The following CYFIP1 variants were observed in gnomAD, a reference collection of about 807,000 sequenced individuals.
The protein encoded by CYFIP1 is cytoplasmic FMR1 interacting protein 1.
A neutral mutation model predicts 163.5 loss-of-function variants in CYFIP1; 58 were observed. The observed-to-expected ratio is 0.35, with a 90% CI of 0.29 to 0.44. The LOEUF (loss-of-function observed/expected upper bound fraction) is 0.44. Ranked by LOEUF, CYFIP1 falls within the 20% of genes least tolerant of loss-of-function variation. The pLI is 1.00. For synonymous variants in CYFIP1, 663 were observed against 660.7 expected (o/e 1.00, Z -0.05); for missense variants, 1,338 against 1,653.8 (o/e 0.81, Z 3.31).
chr15:22,944,946 T>C lies in CYFIP1; in HGVS notation c.208-7A>G. 1 of 1,613,518 alleles carries C rather than the reference T, an allele frequency of 6.2e-7. No homozygotes were observed. The highest frequency in any genetic ancestry group is 8.5e-7 in the Non-Finnish European group (1 of 1,179,442). The stretch of plus-strand genomic sequence containing the variant: ...CCTCCTCCAGCATCTCGTTCTGCAA[T>C]GGAACACAGGGCAAATCAAAGGCAG... On this transcript the variant is annotated splice_polypyrimidine_tract_variant and splice_region_variant and intron_variant, in intron 3 of 30. Coordinates refer to ENST00000617928, the MANE Select transcript of CYFIP1 (RefSeq NM_014608.6).
chr15:22,976,577 G>GATATCACATACACAAAGATATTTTGTAT (rs749783957), intron 1 of CYFIP1, among the ~76,000 whole-genome samples: 1 of 152,026 alleles, frequency 6.6e-6, no homozygotes, highest in Admixed American at 6.6e-5. Flanking sequence ...TCCAAAAATA[G>GATATCACATACACAAAGATATTTTGTAT]GTGAGTGCAT....
At chr15:22,949,004 T>TG (rs2140126998) in intron 1 of CYFIP1, among the ~76,000 whole-genome samples, 1 of 142,178 alleles carries the variant, frequency 7.0e-6, no homozygotes, top group South Asian at 2.1e-4. Context: ...GAAAAACAGC[T>TG]GAAAAAAATG....
chr15:22,976,139 G>A lies in CYFIP1; in HGVS notation c.-7+4148C>T, dbSNP rs564911185. On this transcript the variant is annotated intron_variant, in intron 1 of 30. Coordinates refer to ENST00000617928, the MANE Select transcript of CYFIP1 (RefSeq NM_014608.6). The stretch of plus-strand genomic sequence containing the variant: ...TTGATTCCTTTGAAGCAAACGAAAT[G>A]TTGTGTTTTTAAATTTAATTTTCTT... Among the ~76,000 whole-genome samples, 361 of 151,080 alleles carry A rather than the reference G, an allele frequency of 2.4e-3. 4 individuals carry two copies. The highest frequency in any genetic ancestry group is 3.7e-3 in the Non-Finnish European group (250 of 67,780).
intron 21 of CYFIP1, 61 bp downstream of exon 21, chr15:22,909,133 A>G (rs2060694823): frequency 6.2e-7 from 1 of 1,603,256 alleles, no homozygotes; most frequent in Non-Finnish European, 8.5e-7. Flanking sequence ...TTTATCATCT[A>G]TACAAGAACT....
intron 13 of CYFIP1, among the ~76,000 whole-genome samples, chr15:22,925,304 G>A (rs150116896): frequency 6.6e-5 from 10 of 152,290 alleles, no homozygotes; most frequent in African/African-American, 1.7e-4. Flanking sequence ...CTCATACACG[G>A]TAGATGACTA....
intron 21 of CYFIP1, among the ~76,000 whole-genome samples, chr15:22,908,203 C>A (rs1303395913): frequency 6.6e-6 from 1 of 152,118 alleles, no homozygotes; most frequent in African/African-American, 2.4e-5. Context: ...ACTCACACTG[C>A]AAATTTTTGC....
Position 22,869,909 on chromosome 15 carries a change from C to T in CYFIP1, c.*119G>A, listed in dbSNP as rs1013603854. ...ATTTTATAAAATTAAGTTTTTAGATCGAAAAGCACCCCCTTTAACAGGTAC... is the reference window on the plus strand; with the variant it reads ...ATTTTATAAAATTAAGTTTTTAGATTGAAAAGCACCCCCTTTAACAGGTAC... On this transcript the variant is annotated 3_prime_UTR_variant, in exon 31 of 31. Transcript: ENST00000617928. 8 of 904,512 alleles carry T rather than the reference C, an allele frequency of 8.8e-6. No homozygotes were observed. Among genetic ancestry groups the T allele is most frequent in the African/African-American group, 5.2e-5 (3 of 57,368 alleles). The allele number at this position is 904,512 out of a possible 1,614,324, so 56.0% of individuals were successfully genotyped here. A position where few individuals can be genotyped will look rare whatever the true frequency, so the allele number is the denominator to read the frequency against.
intron 14 of CYFIP1, 75 bp downstream of exon 14, chr15:22,918,617 C>T (rs1036663778): frequency 1.5e-5 from 20 of 1,317,740 alleles, no homozygotes; most frequent in South Asian, 6.4e-5. Flanking sequence ...GAGAATTTAA[C>T]GCTCCTGTTG....
chr15:22,920,975 G>A (rs2061157005), intron 13 of CYFIP1, among the ~76,000 whole-genome samples: 1 of 152,098 alleles, frequency 6.6e-6, no homozygotes, highest in African/African-American at 2.4e-5. Flanking sequence ...TTAGATGCAC[G>A]CATTAGAAAA....
intron 1 of CYFIP1, among the ~76,000 whole-genome samples, chr15:22,975,308 T>A (rs541232248): frequency 1.5e-4 from 23 of 151,988 alleles, no homozygotes; most frequent in Non-Finnish European, 2.6e-4. Flanking sequence ...CCATCTCTAC[T>A]AAAAATATAA....
intron 17 of CYFIP1, 55 bp from the exon 18 acceptor site, chr15:22,912,330 C>T (rs929438988): frequency 6.6e-6 from 9 of 1,365,128 alleles, no homozygotes; most frequent in South Asian, 2.6e-5. Context: ...CTCGCAGCTC[C>T]GACAGCCTCG....
chr15:22,940,677 T>C (rs2061867398), intron 6 of CYFIP1, among the ~76,000 whole-genome samples: 1 of 152,262 alleles, frequency 6.6e-6, no homozygotes, highest in South Asian at 2.1e-4. Flanking sequence ...GTTATTTATC[T>C]GGGCTTTAAA....
chr15:22,959,745 C>T (rs118138566), intron 1 of CYFIP1, among the ~76,000 whole-genome samples: 11,079 of 152,208 alleles, frequency 0.073, 503 homozygotes, highest in Non-Finnish European at 0.098. Context: ...CTGCGGCGCC[C>T]GGCTGAGGAA....
chr15:22,950,768 G>A (rs2062223278), intron 1 of CYFIP1, among the ~76,000 whole-genome samples: 1 of 152,210 alleles, frequency 6.6e-6, no homozygotes, highest in Non-Finnish European at 1.5e-5. Context: ...ACAGTAGCCG[G>A]CTGGGTCGCC....
chr15:22,910,612 G>A lies in CYFIP1; in HGVS notation c.2176C>T (p.Arg726Trp), dbSNP rs748787369. The change falls in exon 20 of 31, where the codon CGG becomes TGG. Residue 726 changes from arginine (R) to tryptophan (W), a missense_variant. Physicochemically the swap from Arg to Trp is moderately radical, Grantham distance 101 (BLOSUM62 -3). Around this residue, in one of 4 missense-constraint regions of CYFIP1, gnomAD observed 824 missense variants for 995.7 expected, o/e 0.83. Transcript: ENST00000617928. ...TGATTCTTGCATTCTGATCGTAACC[G>A]TTTATCAAGAAGCAAACTAGTGTAG... ...VMAGSLLLDK[R>W]LRSECKNQGA... 3.0e-5 allele frequency: 48 copies of A among 1,613,976 alleles called. 1 individual carries two copies. Among genetic ancestry groups the A allele is most frequent in the East Asian group, 4.5e-5 (2 of 44,906 alleles).
At chr15:22,925,443 T>C (rs1040584870) in intron 13 of CYFIP1, among the ~76,000 whole-genome samples, 1 of 152,156 alleles carries the variant, frequency 6.6e-6, no homozygotes, top group African/African-American at 2.4e-5. Context: ...TTGGACGGAA[T>C]TGTTTCAAAA....
rs570792842 is a variant in CYFIP1 at position 22,958,543 on chromosome 15, C to T, written c.-6-11252G>A. Among the ~76,000 whole-genome samples, 6 of 152,340 alleles carry T rather than the reference C, an allele frequency of 3.9e-5. No homozygotes were observed. The South Asian group carries it at 1.0e-3, about 26-fold the overall frequency. On this transcript the variant is annotated intron_variant, in intron 1 of 30. Transcript: ENST00000617928. ...TGCCAAGGAACCCTGAAAGAGAGCA[C>T]GTCTCCACGCCACATGGCCTCCGCC...
chr15:22,873,766 C>G (rs2059503041), intron 28 of CYFIP1, 37 bp from the exon 29 acceptor site: 2 of 1,540,612 alleles, frequency 1.3e-6, no homozygotes, highest in Non-Finnish European at 1.8e-6. Context: ...CCGTGGGCCT[C>G]CAGGCATCCA....
intron 6 of CYFIP1, among the ~76,000 whole-genome samples, chr15:22,942,600 T>C (rs1197123888): frequency 1.3e-5 from 2 of 152,054 alleles, no homozygotes; most frequent in Non-Finnish European, 2.9e-5. Context: ...TGCCAGCCTC[T>C]CCAGAGGCTA....
Sources: allele counts gnomAD v4.1 joint callset (sites outside exome capture counted in the v4.1 genomes callset), GRCh38; gene constraint gnomAD v4.1.1; regional missense constraint gnomAD v4.1.1; transcripts MANE v1.5; gene names NCBI Gene and HGNC (gene_info 2026-07-23, HGNC 2026-07-21).